The following MAP4K5 variants were observed in gnomAD, a reference collection of about 807,000 sequenced individuals.
MAP4K5 encodes mitogen-activated protein kinase kinase kinase kinase 5.
In MAP4K5, 82 loss-of-function variants were observed where a neutral mutation model predicts 135.6. The observed-to-expected ratio is 0.60, with a 90% CI of 0.51 to 0.73. The LOEUF is 0.73. Among genes scored for constraint, MAP4K5 ranks in the 30% least tolerant of loss-of-function variants. The pLI, the probability that MAP4K5 is intolerant of heterozygous loss-of-function variation, is 0.00. For missense variants in MAP4K5, 907 were observed against 1,010.9 expected (o/e 0.90, Z 1.39); for synonymous variants, 347 against 335.0 (o/e 1.04, Z -0.39).
chr14:50,532,186 T>A lies in MAP4K5; in HGVS notation c.-109-28A>T, dbSNP rs2038409682. ...GCACGAGGGACGAGCAAAGGCTGGT[T>A]GGCGTCGCAGGCTACGACCCCCAGC... On this transcript the variant is annotated intron_variant, in intron 1 of 32. Coordinates refer to ENST00000682126, the MANE Select transcript of MAP4K5 (RefSeq NM_006575.6). 2.8e-5 allele frequency: 17 copies of A among 617,888 alleles called. No homozygotes were observed. In the South Asian group the frequency reaches 2.8e-4, roughly 10 times the overall value. 38.3% of individuals were successfully genotyped at this position (617,888 alleles called of 1,614,324 possible).
chr14:50,536,270 C>T (rs995576178), upstream of MAP4K5, among the ~76,000 whole-genome samples: 5 of 152,100 alleles, frequency 3.3e-5, no homozygotes, highest in African/African-American at 7.2e-5. Flanking sequence ...AACCCCATCT[C>T]TGCTAAAACT....
intron 20 of MAP4K5, among the ~76,000 whole-genome samples, chr14:50,443,385 T>C (rs1566643845): frequency 1.3e-5 from 2 of 152,120 alleles, no homozygotes; most frequent in Non-Finnish European, 2.9e-5. Flanking sequence ...TGGTTCCTTT[T>C]AATTGTATAT....
intron 2 of MAP4K5, chr14:50,505,111 T>G (rs1484910743): frequency 3.0e-6 from 1 of 330,642 alleles, no homozygotes; most frequent in Non-Finnish European, 5.4e-6. Flanking sequence ...GTCTACTTCC[T>G]CCAAGGCTTT....
In MAP4K5 at chr14:50,437,996, T is replaced by C. The variant is rs1356426787; in HGVS notation, c.1721A>G (p.Gln574Arg). Residue 574 changes from glutamine to arginine, a missense_variant, in exon 25 of 33, where the codon CAG becomes CGG. Physicochemically the swap from Gln to Arg is conservative, Grantham distance 43 (BLOSUM62 1). Coordinates refer to ENST00000682126, the MANE Select transcript of MAP4K5 (RefSeq NM_006575.6). ...LMSLSEGKTFQLYSHNLIALF... is the reference protein window; with the variant it reads ...LMSLSEGKTFRLYSHNLIALF... ...AGCTATAAGATTGTGAGAGTAGAGC[T>C]GAAAGGTTTTTCCTATAAAAGAAAA... is the stretch of plus-strand genomic sequence containing the variant. 1.3e-6 allele frequency: 2 copies of C among 1,594,962 alleles called. No homozygotes were observed. The highest frequency in any genetic ancestry group is 1.7e-5 in the Admixed American group (1 of 59,788).
intron 30 of MAP4K5, among the ~76,000 whole-genome samples, chr14:50,428,279 T>C (rs1462812323): frequency 6.6e-6 from 1 of 152,178 alleles, no homozygotes; most frequent in Non-Finnish European, 1.5e-5. Flanking sequence ...TCTTTTTTTT[T>C]TTTCTTGCTC....
chr14:50,543,483 A>AC (rs1409246348), intron 1 of MAP4K5, among the ~76,000 whole-genome samples: 2 of 152,204 alleles, frequency 1.3e-5, no homozygotes, highest in African/African-American at 4.8e-5. Context: ...TTGTTTTATC[A>AC]CCATGTATCA....
intron 14 of MAP4K5, among the ~76,000 whole-genome samples, chr14:50,453,627 G>A (rs2139767259): frequency 6.6e-6 from 1 of 152,234 alleles, no homozygotes; most frequent in East Asian, 1.9e-4. Context: ...CAGTCCAGAT[G>A]CAGAGCTTCA....
At chr14:50,529,974 G>T (rs72679533) in intron 2 of MAP4K5, among the ~76,000 whole-genome samples, 11,244 of 152,228 alleles carry the variant, frequency 0.074, 533 homozygotes, top group Middle Eastern at 0.13. Flanking sequence ...TACAGCAACA[G>T]GTGGAAATGG....
At chr14:50,423,967 T>C (rs2035788844) in intron 31 of MAP4K5, among the ~76,000 whole-genome samples, 1 of 152,172 alleles carries the variant, frequency 6.6e-6, no homozygotes, top group African/African-American at 2.4e-5. Flanking sequence ...CCCTACTGGA[T>C]TAAGCCCCAG....
rs2038596744 is a variant in MAP4K5, at chr14:50,543,965, A to G, written c.-179-1381T>C. 3.9e-5 allele frequency among the ~76,000 whole-genome samples: 6 copies of G among 152,224 alleles called. No homozygotes were observed. The South Asian group carries it at 1.0e-3, about 26-fold the overall frequency. ...GCCATCTGGCTATTTTGGAGTCTTC[A>G]GATCACTAAATCAACAGTTAGAGAA... On this transcript the variant is annotated intron_variant, in intron 1 of 8. Transcript: ENST00000555216.
At chr14:50,478,178 T>C (rs1460947518) in intron 6 of MAP4K5, among the ~76,000 whole-genome samples, 1 of 152,180 alleles carries the variant, frequency 6.6e-6, no homozygotes, top group Non-Finnish European at 1.5e-5. Context: ...AAACTGCCCA[T>C]TTTATTGGCA....
chr14:50,504,802 G>C lies in MAP4K5; in HGVS notation c.164C>G (p.Pro55Arg). The C allele has an allele frequency of 1.2e-5, 18 of 1,554,190 alleles. No homozygotes were observed. Among genetic ancestry groups the C allele is most frequent in the Non-Finnish European group, 1.6e-5 (18 of 1,148,298 alleles). ...GTCTTGAGGGTTTTAACACATACCA[G>C]GCTCCAATTTAATGATTTTTACTGC... ...LAAVKIIKLEPGDDFSLIQQE... is the reference protein window; with the variant it reads ...LAAVKIIKLERGDDFSLIQQE... Residue 55 changes from proline (P) to arginine (R), a missense_variant and splice_region_variant, in exon 3 of 33, where the codon CCT (proline) becomes CGT (arginine). Physicochemically the swap from Pro to Arg is moderately radical, Grantham distance 103. Transcript: ENST00000682126.
intron 1 of MAP4K5, among the ~76,000 whole-genome samples, chr14:50,554,844 T>C (rs1204445576): frequency 6.6e-6 from 1 of 152,200 alleles, no homozygotes; most frequent in Non-Finnish European, 1.5e-5. Flanking sequence ...TTCAGTCTCT[T>C]GGTTCCCTCC....
chr14:50,552,475 C>A (rs2038714719), intron 1 of MAP4K5, among the ~76,000 whole-genome samples: 1 of 152,092 alleles, frequency 6.6e-6, no homozygotes, highest in South Asian at 2.1e-4. Flanking sequence ...CAATTCCCAT[C>A]AAAATACCAT....
intron 5 of MAP4K5, among the ~76,000 whole-genome samples, 157 bp downstream of exon 5, chr14:50,485,421 T>TA (rs1299646124): frequency 2.6e-5 from 4 of 152,066 alleles, no homozygotes; most frequent in African/African-American, 7.2e-5. Flanking sequence ...GACTAACCAA[T>TA]AAAAAATAAA....
chr14:50,463,434 T>G (rs2036755820), intron 12 of MAP4K5, among the ~76,000 whole-genome samples: 1 of 152,248 alleles, frequency 6.6e-6, no homozygotes, highest in Non-Finnish European at 1.5e-5. Flanking sequence ...GTGCACTGCC[T>G]GCCTCTTTTT....
At chr14:50,474,055 G>A (rs565567018) in intron 9 of MAP4K5, among the ~76,000 whole-genome samples, 9 of 152,102 alleles carry the variant, frequency 5.9e-5, no homozygotes, top group African/African-American at 1.9e-4. Context: ...TATGAGGTAC[G>A]GAGCTACTTA....
rs1450335895 is a variant in MAP4K5, at chr14:50,486,163, T to C, written c.198A>G (p.Ile66Met). The C allele has an allele frequency of 2.6e-5, 37 of 1,398,598 alleles. No homozygotes were observed. The highest frequency in any genetic ancestry group is 3.5e-5 in the Non-Finnish European group (36 of 1,022,280). The allele number at this position is 1,398,598 out of a possible 1,614,324, so 86.6% of individuals were successfully genotyped here. The change falls in exon 4 of 33, where the codon ATA (isoleucine) becomes ATG (methionine). Residue 66 changes from isoleucine to methionine, a missense_variant. Transcript: ENST00000682126. ...AATGTTTACATTCTTTAACCATAAA[T>C]ATTTCTTGTTGAATCAAAGAAAAAT... is the stretch of plus-strand genomic sequence containing the variant. Reference protein sequence around the residue: ...GDDFSLIQQEIFMVKECKHCN... With the variant: ...GDDFSLIQQEMFMVKECKHCN...
At position 50,419,169 on chromosome 14, in the gene MAP4K5, CTAATG is replaced by C. The variant is rs780155032; in HGVS notation, c.*845_*849del. 5.9e-5 allele frequency: 9 copies of C among 152,148 alleles called. No homozygotes were observed. Among genetic ancestry groups the C allele is most frequent in the Admixed American group, 1.3e-4 (2 of 15,294 alleles). 9.4% of individuals were successfully genotyped at this position (152,148 alleles called of 1,614,324 possible). ...AAGATTAATTCCTTATGCATTATCCCTAATGTAAAGAAAAATCACAGGTATTTTAT... is the reference window on the plus strand; with the variant it reads ...AAGATTAATTCCTTATGCATTATCCCTAAAGAAAAATCACAGGTATTTTAT... On this transcript the variant is annotated 3_prime_UTR_variant, in exon 33 of 33. Coordinates refer to ENST00000682126, the MANE Select transcript of MAP4K5 (RefSeq NM_006575.6).
Sources: allele counts gnomAD v4.1 joint callset (sites outside exome capture counted in the v4.1 genomes callset), GRCh38; gene constraint gnomAD v4.1.1; transcripts MANE v1.5; gene names NCBI Gene and HGNC (gene_info 2026-07-23, HGNC 2026-07-21).